Variants in ROBO2 observed in about 807,000 individuals in gnomAD.
ROBO2 encodes roundabout guidance receptor 2, also known as roundabout homolog 2.
In ROBO2, 53 loss-of-function variants were observed where a neutral mutation model predicts 160.8. The ratio of observed to expected loss-of-function variants is 0.33; its 90% confidence interval spans 0.26 to 0.41. The LOEUF (loss-of-function observed/expected upper bound fraction) is 0.41, where lower values mean the gene tolerates loss of function less well. Ranked by LOEUF, ROBO2 falls within the 10% of genes least tolerant of loss-of-function variation. ROBO2 has a pLI of 1.00. For synonymous variants in ROBO2, 664 were observed against 611.7 expected, an observed-to-expected ratio of 1.09 and a Z score of -1.26; for missense variants, 1,577 against 1,722.4, an observed-to-expected ratio of 0.92 and a Z score of 1.49.
chr3:76,692,624 C>T (rs996626904), intron 2 of ROBO2, among the ~76,000 whole-genome samples: 1 of 152,016 alleles, frequency 6.6e-6, no homozygotes, highest in Non-Finnish European at 1.5e-5. Context: ...GCAGATCTGA[C>T]ATCTGAGTAA....
At chr3:76,073,396 C>T (rs2068535583) in intron 2 of ROBO2, among the ~76,000 whole-genome samples, 1 of 148,998 alleles carries the variant, frequency 6.7e-6, no homozygotes, top group South Asian at 2.1e-4. Flanking sequence ...GGGTTCCCGC[C>T]ATTCTCCTGC....
At chr3:76,394,493 T>A (rs1280271118) in intron 2 of ROBO2, among the ~76,000 whole-genome samples, 1 of 152,184 alleles carries the variant, frequency 6.6e-6, no homozygotes, top group African/African-American at 2.4e-5. Flanking sequence ...AGAGATCAGC[T>A]GTTAGTCTGA....
chr3:77,532,106 G>C (rs775756), intron 6 of ROBO2, among the ~76,000 whole-genome samples: 110,913 of 152,002 alleles, frequency 0.73, 40,636 homozygotes, highest in East Asian at 0.81. Context: ...TGAAACACAA[G>C]CGCGGGTTAC....
At chr3:77,613,804 A>G (rs2094704790) in intron 21 of ROBO2, among the ~76,000 whole-genome samples, 1 of 152,210 alleles carries the variant, frequency 6.6e-6, no homozygotes, top group African/African-American at 2.4e-5. Context: ...ACTAAAATAA[A>G]TTAGTCAAGA....
intron 2 of ROBO2, among the ~76,000 whole-genome samples, chr3:76,894,136 G>GA (rs34603367): frequency 4.0e-5 from 6 of 151,636 alleles, no homozygotes; most frequent in African/African-American, 1.5e-4. Context: ...TCTGTGGGAG[G>GA]AAAAAAAATC....
Position 77,534,883 on chromosome 3 carries a change from C to A in ROBO2, c.935-11455C>A, listed in dbSNP as rs555040919. 4.7e-4 allele frequency among the ~76,000 whole-genome samples: 71 copies of A among 152,252 alleles called. No homozygotes were observed. In the East Asian group the frequency reaches 0.01, roughly 22 times the overall value. ...AACACTTACATGTGGTGGGGGCACA[C>A]AAATGTTGGTGCAGTTAATTGATAC... On this transcript the variant is annotated intron_variant, in intron 6 of 25. Transcript: ENST00000461745.
At chr3:76,783,514 CT>C (rs71717480) in intron 2 of ROBO2, among the ~76,000 whole-genome samples, 2,665 of 139,724 alleles carry the variant, frequency 0.019, 71 homozygotes, top group African/African-American at 0.06. Flanking sequence ...TAGTTTCTTT[CT>C]TTTTTTTTTT....
intron 2 of ROBO2, among the ~76,000 whole-genome samples, chr3:76,814,389 C>G (rs2065482486): frequency 6.6e-6 from 1 of 152,130 alleles, no homozygotes; most frequent in Non-Finnish European, 1.5e-5. Flanking sequence ...TTTGTCTCCA[C>G]TTTCCAAAAG....
intron 2 of ROBO2, among the ~76,000 whole-genome samples, chr3:75,976,606 A>G (rs755991903): frequency 2.9e-4 from 44 of 151,578 alleles, no homozygotes; most frequent in Non-Finnish European, 4.4e-4. Flanking sequence ...ACATTCTCCA[A>G]ATGTATTACA....
intron 7 of ROBO2, among the ~76,000 whole-genome samples, chr3:77,548,884 A>C (rs2153651686): frequency 6.6e-6 from 1 of 152,036 alleles, no homozygotes; most frequent in East Asian, 1.9e-4. Flanking sequence ...GCAAATTATA[A>C]ATTCTCAAAT....
chr3:76,105,388 A>T (rs2069878329), intron 2 of ROBO2, among the ~76,000 whole-genome samples: 1 of 152,160 alleles, frequency 6.6e-6, no homozygotes, highest in Non-Finnish European at 1.5e-5. Flanking sequence ...TAAGAAATGG[A>T]ACATGTTGAA....
At chr3:77,140,016 G>A (rs1314884238) in intron 2 of ROBO2, among the ~76,000 whole-genome samples, 1 of 152,188 alleles carries the variant, frequency 6.6e-6, no homozygotes, top group African/African-American at 2.4e-5. Flanking sequence ...GATGAAAGAA[G>A]GGTGGCTGTT....
At chr3:77,067,486 T>C (rs1320559469) in intron 1 of ROBO2, among the ~76,000 whole-genome samples, 1 of 152,236 alleles carries the variant, frequency 6.6e-6, no homozygotes, top group African/African-American at 2.4e-5. Flanking sequence ...ATGTGTCATA[T>C]ATGTGTCTCT....
At chr3:76,241,200 A>T (rs1261303094) in intron 2 of ROBO2, among the ~76,000 whole-genome samples, 1 of 152,186 alleles carries the variant, frequency 6.6e-6, no homozygotes, top group Non-Finnish European at 1.5e-5. Context: ...GCCTTTCTAA[A>T]ACTTTAACTC....
intron 2 of ROBO2, among the ~76,000 whole-genome samples, chr3:76,207,761 G>T (rs1048415931): frequency 1.3e-5 from 2 of 152,154 alleles, no homozygotes; most frequent in African/African-American, 4.8e-5. Context: ...AGGAAGGAGC[G>T]ATGTTTCTCT....
intron 2 of ROBO2, among the ~76,000 whole-genome samples, chr3:76,566,986 T>C (rs1385238884): frequency 2.0e-5 from 3 of 152,286 alleles, no homozygotes; most frequent in African/African-American, 4.8e-5. Flanking sequence ...TATTAAAGCA[T>C]TTATATATTT....
chr3:77,214,563 C>G (rs1018095404), intron 2 of ROBO2, among the ~76,000 whole-genome samples: 3 of 152,152 alleles, frequency 2.0e-5, no homozygotes, highest in African/African-American at 7.2e-5. Flanking sequence ...TTATTTGGAG[C>G]ATTTAGCCCC....
intron 2 of ROBO2, among the ~76,000 whole-genome samples, chr3:76,184,554 T>C (rs944718851): frequency 5.1e-5 from 6 of 118,324 alleles, no homozygotes; most frequent in Admixed American, 2.7e-4. Context: ...GATAGATAGA[T>C]AGATAGATAG....
intron 2 of ROBO2, among the ~76,000 whole-genome samples, chr3:77,020,422 A>G (rs763243798): frequency 3.9e-5 from 6 of 152,296 alleles, no homozygotes; most frequent in South Asian, 2.1e-4. Context: ...AACCTTAAAA[A>G]TGTTCATGCT....
Sources: gnomAD v4.1 joint callset for allele counts (sites outside exome capture counted in the v4.1 genomes callset) on GRCh38, gnomAD v4.1.1 for gene constraint, MANE v1.5 for transcripts, NCBI Gene and HGNC (gene_info 2026-07-23, HGNC 2026-07-21) for gene names.